EN2: variants seen among roughly 807,000 people sequenced by gnomAD.
EN2 encodes engrailed homeobox 2.
In EN2, 7 loss-of-function variants were observed where a neutral mutation model predicts 25.0. That is an observed-to-expected ratio of 0.28 (90% confidence interval 0.16 to 0.53). The LOEUF (loss-of-function observed/expected upper bound fraction) is 0.53. Ranked by LOEUF, EN2 falls within the 20% of genes least tolerant of loss-of-function variation. The pLI is 0.96. For missense variants in EN2, 524 were observed against 501.8 expected (o/e 1.04, Z -0.42); for synonymous variants, 277 against 243.3 (o/e 1.14, Z -1.29).
Position 155,459,431 on chromosome 7 carries a change from C to A in EN2, c.685+369C>A, listed in dbSNP as rs367670094. ...CCACTGTAGTTTTTTTTGGTGGGAA[C>A]GTGGTGGCTGGAAGATGGGCCCGGA... On this transcript the variant is annotated intron_variant, in intron 1 of 1. Coordinates refer to ENST00000297375, the MANE Select transcript of EN2 (RefSeq NM_001427.4). Among the ~76,000 whole-genome samples the A allele has an allele frequency of 1.4e-3, 210 of 152,276 alleles. 1 individual carries two copies. The South Asian group carries it at 0.015, about 11-fold the overall frequency.
chr7:155,459,108 C>A, intron 1 of EN2, 46 bp downstream of exon 1: 1 of 1,513,702 alleles, frequency 6.6e-7, no homozygotes, highest in East Asian at 2.6e-5. Context: ...CGGGGAGGCC[C>A]GCGGAGCTGG....
At chr7:155,460,693 C>T (rs1302715392) in intron 1 of EN2, among the ~76,000 whole-genome samples, 1 of 152,106 alleles carries the variant, frequency 6.6e-6, no homozygotes. Flanking sequence ...GCTGGGGCCT[C>T]TCCTGGAGCC....
Position 155,462,751 on chromosome 7 carries a change from A to G in EN2, c.*64A>G. 2 of 1,470,386 alleles carry G rather than the reference A, an allele frequency of 1.4e-6. No individual in the cohort carries two copies. The highest frequency in any genetic ancestry group is 9.1e-7 in the Non-Finnish European group (1 of 1,098,262). The allele number at this position is 1,470,386 out of a possible 1,614,324, so 91.1% of individuals were successfully genotyped here. ...ACAATGCAATAATTTAAAATCATAA[A>G]GGGCCAGTGTATAAAGATTATACCA... On this transcript the variant is annotated 3_prime_UTR_variant, in exon 2 of 2. Transcript: ENST00000297375.
In EN2 at chr7:155,462,791, A is replaced by T; in HGVS notation, c.*104A>T. On this transcript the variant is annotated 3_prime_UTR_variant, in exon 2 of 2. Coordinates refer to ENST00000297375, the MANE Select transcript of EN2 (RefSeq NM_001427.4). The stretch of plus-strand genomic sequence containing the variant: ...AGATTATACCAGCATTAATAGTGAA[A>T]ATATTGTGTATTAGCTAAGGTTCTG... 1 of 1,304,172 alleles carries T rather than the reference A, an allele frequency of 7.7e-7. No individual in the cohort carries two copies. Among genetic ancestry groups the T allele is most frequent in the Middle Eastern group, 1.9e-4 (1 of 5,270 alleles). The allele number at this position is 1,304,172 out of a possible 1,614,324, so 80.8% of individuals were successfully genotyped here.
rs1361650486 is a variant in EN2 at position 155,462,393 on chromosome 7, G to A, written c.708G>A (p.Lys236=). 1.2e-6 allele frequency: 2 copies of A among 1,610,328 alleles called. No individual in the cohort carries two copies. The highest frequency in any genetic ancestry group is 2.2e-5 in the South Asian group (2 of 90,610). ...PSSGPRSRKP[K]KKNPNKEDKR... Reference sequence around the variant, plus strand: ...CAGGTCCCAGGTCTCGAAAACCAAAGAAGAAGAACCCGAACAAAGAGGACA... The same window carrying A: ...CAGGTCCCAGGTCTCGAAAACCAAAAAAGAAGAACCCGAACAAAGAGGACA... Residue 236 remains lysine (K), a synonymous_variant, in exon 2 of 2, where the codon AAG becomes AAA. Coordinates refer to ENST00000297375, the MANE Select transcript of EN2 (RefSeq NM_001427.4).
In EN2 at chr7:155,463,718, C is replaced by A. The variant is rs1282635351; in HGVS notation, c.*1031C>A. ...GCCCAAGAGCGGTGGGGCGACCCTC[C>A]TTTTGGCTTGGCCCCAGGAATTTCC... is the stretch of plus-strand genomic sequence containing the variant. On this transcript the variant is annotated 3_prime_UTR_variant, in exon 2 of 2. Transcript: ENST00000297375. The A allele has an allele frequency of 6.6e-6, 1 of 152,172 alleles. No individual in the cohort carries two copies. Among genetic ancestry groups the A allele is most frequent in the East Asian group, 1.9e-4 (1 of 5,170 alleles). 9.4% of individuals were successfully genotyped at this position (152,172 alleles called of 1,614,324 possible).
intron 1 of EN2, among the ~76,000 whole-genome samples, chr7:155,460,506 GA>G (rs1197923421): frequency 6.6e-6 from 1 of 152,204 alleles, no homozygotes; most frequent in Admixed American, 6.5e-5. Context: ...AGAAAATCAA[GA>G]AAAAAACCTA....
At position 155,458,419 on chromosome 7, in the gene EN2, G is replaced by A; in HGVS notation, c.42G>A (p.Ala14=). 5 of 1,305,480 alleles carry A rather than the reference G, an allele frequency of 3.8e-6. No individual in the cohort carries two copies. The highest frequency in any genetic ancestry group is 4.9e-6 in the Non-Finnish European group (5 of 1,026,346). The allele number at this position is 1,305,480 out of a possible 1,614,324, so 80.9% of individuals were successfully genotyped here. A position where few individuals can be genotyped will look rare whatever the true frequency, so the allele number is the denominator to read the frequency against. The stretch of plus-strand genomic sequence containing the variant: ...CCAAGCCTGGCGAAGCAGCGGCGGC[G>A]GTGGAGGGACAGCGGCAGCCGGAAT... ...NDPKPGEAAA[A]VEGQRQPESS... The change falls in exon 1 of 2, where the codon GCG becomes GCA. Residue 14 remains alanine, a synonymous_variant. Transcript: ENST00000297375.
chr7:155,458,241 GC>G lies in EN2; in HGVS notation c.-135del, dbSNP rs1795648710. ...GGCGACTTGTAGGACCTCAGCCCTG[GC>G]CGCGGCCGCCGCGCACGCCCTCGGA... On this transcript the variant is annotated 5_prime_UTR_variant, in exon 1 of 2. Coordinates refer to ENST00000297375, the MANE Select transcript of EN2 (RefSeq NM_001427.4). 2 of 1,177,934 alleles carry G rather than the reference GC, an allele frequency of 1.7e-6. No individual in the cohort carries two copies. The highest frequency in any genetic ancestry group is 8.9e-5 in the South Asian group (2 of 22,400). 73.0% of individuals were successfully genotyped at this position (1,177,934 alleles called of 1,614,324 possible).
chr7:155,461,243 C>T (rs997128229), intron 1 of EN2, among the ~76,000 whole-genome samples: 13 of 152,326 alleles, frequency 8.5e-5, no homozygotes, highest in African/African-American at 2.6e-4. Context: ...TCCCTAAAGC[C>T]GATTCATACA....
At chr7:155,459,526 C>T (rs1274375928) in intron 1 of EN2, among the ~76,000 whole-genome samples, 1 of 152,238 alleles carries the variant, frequency 6.6e-6, no homozygotes, top group Admixed American at 6.5e-5. Context: ...TGCCCCAGCC[C>T]ACCCCAGACT....
In EN2 at chr7:155,458,682, G is replaced by A. The variant is rs1456307070; in HGVS notation, c.305G>A (p.Gly102Asp). The change falls in exon 1 of 2, where the codon GGC becomes GAC. Residue 102 changes from glycine (G) to aspartate (D), a missense_variant. Gly to Asp is a moderately conservative substitution (Grantham distance 94). Coordinates refer to ENST00000297375, the MANE Select transcript of EN2 (RefSeq NM_001427.4). Reference sequence around the variant, plus strand: ...GGAGGAAGGGGCGGCGGAGCCGGCGGCGAAGGCGGCGCGAGCGGTGCGGAG... The same window carrying A: ...GGAGGAAGGGGCGGCGGAGCCGGCGACGAAGGCGGCGCGAGCGGTGCGGAG... ...AGGGRGGGAG[G>D]EGGASGAEGG... 1.5e-6 allele frequency: 2 copies of A among 1,346,212 alleles called. No individual in the cohort carries two copies. Among genetic ancestry groups the A allele is most frequent in the Admixed American group, 4.0e-5 (1 of 25,222 alleles). The allele number at this position is 1,346,212 out of a possible 1,614,324, so 83.4% of individuals were successfully genotyped here.
chr7:155,458,180 C>A lies in EN2; in HGVS notation c.-198C>A. 1 of 563,192 alleles carries A rather than the reference C, an allele frequency of 1.8e-6. No homozygotes were observed. Among genetic ancestry groups the A allele is most frequent in the Non-Finnish European group, 2.7e-6 (1 of 372,668 alleles). The allele number at this position is 563,192 out of a possible 1,614,324, so 34.9% of individuals were successfully genotyped here. On this transcript the variant is annotated 5_prime_UTR_variant, in exon 1 of 2. Transcript: ENST00000297375. ...GGCTCGTGGTGTTTCTAACCCAGTTCGTGGATTCAAAGGTGGCTCCGCGCC... is the reference window on the plus strand; with the variant it reads ...GGCTCGTGGTGTTTCTAACCCAGTTAGTGGATTCAAAGGTGGCTCCGCGCC...
At position 155,464,035 on chromosome 7, in the gene EN2, C is replaced by G. The variant is rs1795730774; in HGVS notation, c.*1348C>G. 6.6e-6 allele frequency: 1 copy of G among 151,772 alleles called. No individual in the cohort carries two copies. Among genetic ancestry groups the G allele is most frequent in the Admixed American group, 6.6e-5 (1 of 15,230 alleles). The allele number at this position is 151,772 out of a possible 1,614,324, so 9.4% of individuals were successfully genotyped here. ...ACACACACACCAGGCGTGTTTGAGT[C>G]CACAGTTCTGAAACATGTGGCTACC... On this transcript the variant is annotated 3_prime_UTR_variant, in exon 2 of 2. Transcript: ENST00000297375.
At position 155,458,393 on chromosome 7, in the gene EN2, C is replaced by T; in HGVS notation, c.16C>T (p.Pro6Ser). 1.5e-6 allele frequency: 2 copies of T among 1,320,348 alleles called. No individual in the cohort carries two copies. The highest frequency in any genetic ancestry group is 1.9e-6 in the Non-Finnish European group (2 of 1,034,286). The allele number at this position is 1,320,348 out of a possible 1,614,324, so 81.8% of individuals were successfully genotyped here. The change falls in exon 1 of 2, where the codon CCC becomes TCC. Residue 6 changes from proline to serine, a missense_variant. Transcript: ENST00000297375. MEEND[P>S]KPGEAAAAVE... is the part of the protein sequence containing the mutation. ...TGTGAACAGCATGGAGGAGAATGAC[C>T]CCAAGCCTGGCGAAGCAGCGGCGGC...
Position 155,463,574 on chromosome 7 carries a change from C to G in EN2, c.*887C>G, listed in dbSNP as rs947418496. 6.6e-6 allele frequency: 1 copy of G among 152,476 alleles called. No individual in the cohort carries two copies. The highest frequency in any genetic ancestry group is 1.5e-5 in the Non-Finnish European group (1 of 68,286). 9.4% of individuals were successfully genotyped at this position (152,476 alleles called of 1,614,324 possible). On this transcript the variant is annotated 3_prime_UTR_variant, in exon 2 of 2. Coordinates refer to ENST00000297375, the MANE Select transcript of EN2 (RefSeq NM_001427.4). ...CATCGTCTGCGTCTGTGGTCTGTGT[C>G]GCTGTCCCCAGTCCCACCGCAGTCC...
chr7:155,460,425 A>G (rs563727653), intron 1 of EN2, among the ~76,000 whole-genome samples: 1 of 152,336 alleles, frequency 6.6e-6, no homozygotes, highest in South Asian at 2.1e-4. Flanking sequence ...TCTCCGAAAG[A>G]AAGGGGAGAG....
At chr7:155,459,805 A>G (rs1043605465) in intron 1 of EN2, among the ~76,000 whole-genome samples, 18 of 152,194 alleles carry the variant, frequency 1.2e-4, no homozygotes, top group Admixed American at 2.6e-4. Flanking sequence ...CCCAAATAGA[A>G]AGGACCTTCT....
At position 155,462,486 on chromosome 7, in the gene EN2, G is replaced by C; in HGVS notation, c.801G>C (p.Arg267Ser). 3 of 1,614,208 alleles carry C rather than the reference G, an allele frequency of 1.9e-6. No homozygotes were observed. Among genetic ancestry groups the C allele is most frequent in the Non-Finnish European group, 2.5e-6 (3 of 1,180,050 alleles). The change falls in exon 2 of 2, where the codon AGG (arginine) becomes AGC (serine). Residue 267 changes from arginine to serine, a missense_variant. Arg to Ser is a moderately radical substitution (Grantham distance 110, BLOSUM62 -1). Transcript: ENST00000297375. ...TCAAGGCCGAGTTCCAGACCAACAG[G>C]TACCTGACGGAGCAGCGGCGCCAGA... ...QRLKAEFQTN[R>S]YLTEQRRQSL...
Sources: allele counts gnomAD v4.1 joint callset (sites outside exome capture counted in the v4.1 genomes callset), GRCh38; gene constraint gnomAD v4.1.1; transcripts MANE v1.5; gene names NCBI Gene and HGNC (gene_info 2026-07-23, HGNC 2026-07-21).